Variants in BBX observed in about 807,000 individuals in gnomAD.
The protein encoded by BBX is HMG box transcription factor BBX.
BBX carries 30 observed loss-of-function variants against 100.2 expected under a neutral mutation model. The observed-to-expected ratio is 0.30, with a 90% CI of 0.22 to 0.41. The LOEUF is 0.41. Ranked by LOEUF, BBX falls within the 10% of genes least tolerant of loss-of-function variation. The pLI, the probability that BBX is intolerant of heterozygous loss-of-function variation, is 1.00. For synonymous variants in BBX, 376 were observed against 388.1 expected, an observed-to-expected ratio of 0.97 and a Z score of 0.37; for missense variants, 1,023 against 1,129.8, an observed-to-expected ratio of 0.91 and a Z score of 1.35.
intron 3 of BBX, among the ~76,000 whole-genome samples, chr3:107,693,756 G>T (rs978097682): frequency 1.8e-4 from 28 of 151,760 alleles, no homozygotes; most frequent in Admixed American, 9.8e-4. Flanking sequence ...TAGCTTGATG[G>T]GGATGGCACT....
intron 2 of BBX, among the ~76,000 whole-genome samples, chr3:107,569,904 G>A (rs2051215720): frequency 6.6e-6 from 1 of 152,214 alleles, no homozygotes; most frequent in South Asian, 2.1e-4. Context: ...TCAGTCTTCA[G>A]CTATTAAGCT....
chr3:107,791,399 C>A, intron 15 of BBX, 100 bp downstream of exon 15: 1 of 940,338 alleles, frequency 1.1e-6, no homozygotes, highest in Middle Eastern at 2.2e-4. Context: ...GTTTAAACAA[C>A]AGCACTAGAC....
At chr3:107,546,263 C>T (rs989317916) in intron 2 of BBX, among the ~76,000 whole-genome samples, 4 of 152,186 alleles carry the variant, frequency 2.6e-5, no homozygotes, top group African/African-American at 7.2e-5. Context: ...CAAGATGTTA[C>T]GTCTTCTCTA....
At chr3:107,600,858 C>A (rs1307774712) in intron 2 of BBX, among the ~76,000 whole-genome samples, 2 of 152,028 alleles carry the variant, frequency 1.3e-5, no homozygotes, top group African/African-American at 4.8e-5. Flanking sequence ...CCTGACTGTC[C>A]ATGTGTACCT....
In BBX at chr3:107,537,063, A is replaced by G. The variant is rs529516689; in HGVS notation, c.-84+10665A>G. ...TAAGCATTATAGCGAATTTTTAAAA[A>G]TCAGACTTCTAACAATAATTTCATT... On this transcript the variant is annotated intron_variant, in intron 2 of 17. Transcript: ENST00000325805. Among the ~76,000 whole-genome samples the G allele has an allele frequency of 6.6e-5, 10 of 152,360 alleles. No homozygotes were observed. In the South Asian group the frequency reaches 1.9e-3, roughly 28 times the overall value.
chr3:107,663,274 T>G (rs947402706), intron 3 of BBX, among the ~76,000 whole-genome samples: 1 of 152,172 alleles, frequency 6.6e-6, no homozygotes, highest in Admixed American at 6.5e-5. Flanking sequence ...TCTCTACCAT[T>G]GTCTGTGTTT....
At chr3:107,719,355 A>G (rs1258099648) in intron 5 of BBX, among the ~76,000 whole-genome samples, 2 of 151,960 alleles carry the variant, frequency 1.3e-5, no homozygotes, top group Non-Finnish European at 2.9e-5. Context: ...TTGAGTGAGA[A>G]ATGTTTCCTT....
At chr3:107,556,457 A>G (rs542630920) in intron 2 of BBX, among the ~76,000 whole-genome samples, 1 of 152,300 alleles carries the variant, frequency 6.6e-6, no homozygotes, top group South Asian at 2.1e-4. Context: ...CCTGCAGGGA[A>G]GTATTACATG....
chr3:107,667,466 A>G (rs1266719600), intron 3 of BBX, among the ~76,000 whole-genome samples: 1 of 151,926 alleles, frequency 6.6e-6, no homozygotes, highest in African/African-American at 2.4e-5. Context: ...AAGTTGCAAC[A>G]AATATTAAAA....
intron 2 of BBX, among the ~76,000 whole-genome samples, chr3:107,547,605 AAATAT>A (rs1263030438): frequency 6.6e-6 from 1 of 152,162 alleles, no homozygotes. Context: ...ATATGATATT[AAATAT>A]AATATGTACT....
chr3:107,645,111 T>C (rs1187372568), intron 2 of BBX, among the ~76,000 whole-genome samples: 2 of 152,142 alleles, frequency 1.3e-5, no homozygotes, highest in South Asian at 4.1e-4. Flanking sequence ...TGGATTTAGT[T>C]TCACCACTGA....
chr3:107,623,579 C>A (rs1439888543), intron 2 of BBX, among the ~76,000 whole-genome samples: 1 of 152,086 alleles, frequency 6.6e-6, no homozygotes, highest in East Asian at 1.9e-4. Context: ...GTATGGAAAT[C>A]ATTAACAGGA....
chr3:107,577,714 T>A (rs1051132913), intron 2 of BBX, among the ~76,000 whole-genome samples: 10 of 152,042 alleles, frequency 6.6e-5, no homozygotes, highest in Admixed American at 6.6e-4. Flanking sequence ...TAATCGTAAA[T>A]GAAAATTAAT....
At chr3:107,655,510 A>AC (rs2058079988) in intron 3 of BBX, among the ~76,000 whole-genome samples, 1 of 113,170 alleles carries the variant, frequency 8.8e-6, no homozygotes, top group Non-Finnish European at 1.8e-5. Flanking sequence ...TATGATAATT[A>AC]ATTTTTTTTT....
chr3:107,624,260 T>A (rs974368177), intron 2 of BBX, among the ~76,000 whole-genome samples: 26 of 152,366 alleles, frequency 1.7e-4, no homozygotes, highest in African/African-American at 6.0e-4. Context: ...AGTAAGTGCT[T>A]TTTATCCATT....
chr3:107,708,673 CA>C (rs34223415), intron 3 of BBX, among the ~76,000 whole-genome samples: 398 of 107,270 alleles, frequency 3.7e-3, no homozygotes, highest in African/African-American at 8.2e-3. Flanking sequence ...GACTCCGTCT[CA>C]AAAAAAAAAA....
At chr3:107,574,593 A>C (rs908189004) in intron 2 of BBX, among the ~76,000 whole-genome samples, 6 of 152,228 alleles carry the variant, frequency 3.9e-5, no homozygotes, top group Admixed American at 6.5e-5. Flanking sequence ...GAAATTCTTC[A>C]TTGGGAGCTT....
intron 2 of BBX, among the ~76,000 whole-genome samples, chr3:107,574,174 G>C (rs1356785634): frequency 6.6e-6 from 1 of 152,074 alleles, no homozygotes; most frequent in Non-Finnish European, 1.5e-5. Flanking sequence ...TAAGACCTTT[G>C]GAAGATTATA....
At chr3:107,528,543 A>T (rs1242670773) in intron 2 of BBX, among the ~76,000 whole-genome samples, 1 of 152,196 alleles carries the variant, frequency 6.6e-6, no homozygotes, top group Non-Finnish European at 1.5e-5. Context: ...AGTTTTTGAG[A>T]TAGCTGTGCT....
Sources: gnomAD v4.1 joint callset for allele counts (sites outside exome capture counted in the v4.1 genomes callset) on GRCh38, gnomAD v4.1.1 for gene constraint, MANE v1.5 for transcripts, NCBI Gene and HGNC (gene_info 2026-07-23, HGNC 2026-07-21) for gene names.